Variants in POLH observed in about 807,000 individuals in gnomAD.
POLH encodes the protein DNA polymerase eta, also known as DNA polymerase eta transcript.
In POLH, 53 loss-of-function variants were observed where a neutral mutation model predicts 73.6. That is an observed-to-expected ratio of 0.72 (90% confidence interval 0.58 to 0.91). The LOEUF is 0.91. Ranked by LOEUF, POLH falls within the 40% of genes least tolerant of loss-of-function variation. The probability of loss-of-function intolerance (pLI) is 0.00; values close to 1 mark genes in which losing one functional copy is unlikely to be tolerated. For synonymous variants in POLH, 292 were observed against 308.5 expected (o/e 0.95, Z 0.56); for missense variants, 768 against 865.4 (o/e 0.89, Z 1.41).
intron 3 of POLH, among the ~76,000 whole-genome samples, chr6:43,584,755 G>T (rs1389823352): frequency 3.3e-5 from 5 of 152,130 alleles, no homozygotes; most frequent in African/African-American, 1.2e-4. Flanking sequence ...TGGGGTTCCT[G>T]CAACCCCCTC....
Position 43,605,272 on chromosome 6 carries a change from C to T in POLH, c.1027C>T (p.Gln343Ter). 2 of 1,590,034 alleles carry T rather than the reference C, an allele frequency of 1.3e-6. No individual in the cohort carries two copies. Among genetic ancestry groups the T allele is most frequent in the Non-Finnish European group, 1.7e-6 (2 of 1,158,440 alleles). ...TTTTTAGGTACAATGGTGGCTGTTG[C>T]AATTAGCCCAGGAACTAGAGGAGAG... is the stretch of plus-strand genomic sequence containing the variant. ...TREQVQWWLL[Q>*]LAQELEERLT... is the part of the protein sequence containing the mutation. The change falls in exon 9 of 11, where the codon CAA becomes TAA. Residue 343 changes from glutamine to a stop codon, truncating the protein, a stop_gained. Coordinates refer to ENST00000372236, the MANE Select transcript of POLH (RefSeq NM_006502.3). LOFTEE classifies it high-confidence loss of function.
In POLH at chr6:43,605,312, G is replaced by A. The variant is rs560145056; in HGVS notation, c.1067G>A (p.Arg356Gln). The A allele has an allele frequency of 5.6e-5, 88 of 1,567,068 alleles. No homozygotes were observed. The highest frequency in any genetic ancestry group is 1.7e-4 in the Middle Eastern group (1 of 5,978). The change falls in exon 9 of 11, where the codon CGA (arginine) becomes CAA (glutamine). Residue 356 changes from arginine to glutamine, a missense_variant. Arg to Gln is a conservative substitution (Grantham distance 43, BLOSUM62 1). Coordinates refer to ENST00000372236, the MANE Select transcript of POLH (RefSeq NM_006502.3). ...QELEERLTKDRNDNDRVATQL... is the reference protein window; with the variant it reads ...QELEERLTKDQNDNDRVATQL... ...CTAGAGGAGAGACTGACTAAAGACC[G>A]AAATGATGTAAGATTTTCTTTCTTT...
At position 43,614,068 on chromosome 6, in the gene POLH, C is replaced by T. The variant is rs756086898; in HGVS notation, c.1653C>T (p.Ser551=). 1 of 1,614,190 alleles carries T rather than the reference C, an allele frequency of 6.2e-7. No individual in the cohort carries two copies. Among genetic ancestry groups the T allele is most frequent in the Non-Finnish European group, 8.5e-7 (1 of 1,180,036 alleles). Residue 551 remains serine (S), a synonymous_variant, in exon 11 of 11, where the codon TCC becomes TCT. Coordinates refer to ENST00000372236, the MANE Select transcript of POLH (RefSeq NM_006502.3). ...AGCTTAATAATTCTTCAGTTTCTTC[C>T]CCCCAACAAAACCCATGGTCCAACT... The part of the protein sequence containing the change: ...QKQLNNSSVS[S]PQQNPWSNCK...
At chr6:43,597,973 C>A in intron 5 of POLH, 108 bp downstream of exon 5, 2 of 961,096 alleles carry the variant, frequency 2.1e-6, no homozygotes, top group Non-Finnish European at 3.3e-6. Flanking sequence ...TGCAGTTTCG[C>A]ACGCCTATGT....
At chr6:43,613,085 A>T (rs984226836) in intron 10 of POLH, among the ~76,000 whole-genome samples, 3 of 152,180 alleles carry the variant, frequency 2.0e-5, no homozygotes, top group African/African-American at 7.2e-5. Flanking sequence ...GGTGTGAGCC[A>T]CCGCTCCCGG....
chr6:43,586,539 G>A (rs1047417573), intron 3 of POLH, among the ~76,000 whole-genome samples: 1 of 152,138 alleles, frequency 6.6e-6, no homozygotes, highest in African/African-American at 2.4e-5. Flanking sequence ...TAGGTATAGA[G>A]CCAGAAGAGC....
At position 43,620,423 on chromosome 6, in the gene POLH, T is replaced by C; in HGVS notation, c.*5866T>C. On this transcript the variant is annotated 3_prime_UTR_variant, in exon 11 of 11. Coordinates refer to ENST00000372236, the MANE Select transcript of POLH (RefSeq NM_006502.3). ...CTCAGCAGTGTTGGGGTTTCACTTG[T>C]CTCTAATCCTGAAGAGGTATCTAGC... 2.4e-6 allele frequency: 1 copy of C among 420,694 alleles called. No individual in the cohort carries two copies. Among genetic ancestry groups the C allele is most frequent in the South Asian group, 1.8e-5 (1 of 55,164 alleles). 26.1% of individuals were successfully genotyped at this position (420,694 alleles called of 1,614,324 possible).
chr6:43,609,267 T>C (rs1767633217), intron 9 of POLH, among the ~76,000 whole-genome samples: 1 of 152,212 alleles, frequency 6.6e-6, no homozygotes, highest in Non-Finnish European at 1.5e-5. Flanking sequence ...ACCTGGACTT[T>C]ATTTTGTTCT....
At chr6:43,587,175 G>A (rs906690872) in intron 3 of POLH, 97 bp from the exon 4 acceptor site, 39 of 896,566 alleles carry the variant, frequency 4.3e-5, no homozygotes, top group Middle Eastern at 2.1e-4. Context: ...TCTTGATTAC[G>A]TGTATTATTG....
chr6:43,605,100 T>G (rs1310014917), intron 8 of POLH, among the ~76,000 whole-genome samples, 154 bp from the exon 9 acceptor site: 1 of 152,156 alleles, frequency 6.6e-6, no homozygotes, highest in Non-Finnish European at 1.5e-5. Context: ...ACAGAAGGAC[T>G]GGGAACATTT....
At chr6:43,610,833 T>G in intron 10 of POLH, 110 bp downstream of exon 10, 1 of 894,134 alleles carries the variant, frequency 1.1e-6, no homozygotes, top group South Asian at 1.4e-5. Flanking sequence ...GTCTAATCAC[T>G]CAAATTTTCA....
At chr6:43,587,124 CT>C in intron 3 of POLH, 147 bp from the exon 4 acceptor site, 1 of 732,766 alleles carries the variant, frequency 1.4e-6, no homozygotes, top group Non-Finnish European at 2.5e-6. Flanking sequence ...CCGATTGACC[CT>C]TTCAGTTACT....
intron 8 of POLH, 32 bp downstream of exon 8, chr6:43,604,770 CT>C: frequency 1.2e-6 from 2 of 1,613,402 alleles, no homozygotes; most frequent in Non-Finnish European, 1.7e-6. Context: ...AACACTACCT[CT>C]TTTAAAGGGG....
intron 1 of POLH, 36 bp from the exon 2 acceptor site, chr6:43,582,280 T>C: frequency 3.7e-6 from 6 of 1,603,178 alleles, no homozygotes; most frequent in Non-Finnish European, 4.3e-6. Context: ...TTGGATTAGG[T>C]GTTTTTCTAA....
chr6:43,587,555 G>C, intron 4 of POLH, 66 bp downstream of exon 4: 1 of 1,075,564 alleles, frequency 9.3e-7, no homozygotes, highest in Admixed American at 1.8e-5. Context: ...TGGTCATGCT[G>C]ATTCTCCTTG....
At chr6:43,580,879 G>C (rs1386276866) in intron 1 of POLH, among the ~76,000 whole-genome samples, 4 of 148,448 alleles carry the variant, frequency 2.7e-5, no homozygotes, top group Non-Finnish European at 4.5e-5. Flanking sequence ...GGGGCGGCTG[G>C]CCGGGCGGAG....
intron 10 of POLH, 60 bp downstream of exon 10, chr6:43,610,783 C>T (rs946859906): frequency 7.4e-7 from 1 of 1,348,360 alleles, no homozygotes; most frequent in Non-Finnish European, 1.1e-6. Flanking sequence ...TCTGTCTTAG[C>T]TCTACAAGAC....
intron 6 of POLH, among the ~76,000 whole-genome samples, chr6:43,603,566 A>G (rs1005170670): frequency 6.6e-6 from 1 of 151,994 alleles, no homozygotes; most frequent in Non-Finnish European, 1.5e-5. Flanking sequence ...GCCAGATTAT[A>G]TATTCTTAAG....
At position 43,587,319 on chromosome 6, in the gene POLH, C is replaced by G. The variant is rs748739006; in HGVS notation, c.320C>G (p.Ala107Gly). 16 of 1,613,994 alleles carry G rather than the reference C, an allele frequency of 9.9e-6. No homozygotes were observed. Among genetic ancestry groups the G allele is most frequent in the Non-Finnish European group, 1.0e-5 (12 of 1,179,980 alleles). ...VEVMEIMSRF[A>G]VIERASIDEA... ...GTGATGGAGATAATGTCTCGTTTTGCTGTGATTGAACGTGCCAGCATTGAT... is the reference window on the plus strand; with the variant it reads ...GTGATGGAGATAATGTCTCGTTTTGGTGTGATTGAACGTGCCAGCATTGAT... The change falls in exon 4 of 11, where the codon GCT (alanine) becomes GGT (glycine). Residue 107 changes from alanine to glycine, a missense_variant. Transcript: ENST00000372236.
Sources: allele counts gnomAD v4.1 joint callset (sites outside exome capture counted in the v4.1 genomes callset), GRCh38; gene constraint gnomAD v4.1.1; transcripts MANE v1.5; gene names NCBI Gene and HGNC (gene_info 2026-07-23, HGNC 2026-07-21).